Variants in DUT observed in about 807,000 individuals in gnomAD.
DUT encodes the protein deoxyuridine 5'-triphosphate nucleotidohydrolase, mitochondrial.
A neutral mutation model predicts 28.8 loss-of-function variants in DUT; 21 were observed. The observed-to-expected ratio is 0.73, with a 90% CI of 0.52 to 1.05. DUT has a LOEUF of 1.05. Ranked by LOEUF, DUT falls within the 50% of genes least tolerant of loss-of-function variation. The probability of loss-of-function intolerance (pLI) is 0.00; values close to 1 mark genes in which losing one functional copy is unlikely to be tolerated. For synonymous variants in DUT, 147 were observed against 143.7 expected (o/e 1.02, Z -0.17); for missense variants, 344 against 351.8 (o/e 0.98, Z 0.18).
At chr15:48,338,926 C>T (rs2042501974) in intron 4 of DUT, among the ~76,000 whole-genome samples, 1 of 152,100 alleles carries the variant, frequency 6.6e-6, no homozygotes, top group African/African-American at 2.4e-5. Context: ...TGCTTGAGCC[C>T]AGGAGTTTGA....
chr15:48,332,461 C>CA, intron 2 of DUT, 55 bp downstream of exon 2: 1 of 1,389,438 alleles, frequency 7.2e-7, no homozygotes, highest in East Asian at 2.5e-5. Context: ...TCCGCTGCCA[C>CA]AGCTAGAAAC....
In DUT at chr15:48,343,176, A is replaced by C. The variant is rs1454042208; in HGVS notation, c.*1098A>C. 6.6e-6 allele frequency: 1 copy of C among 152,126 alleles called. No homozygotes were observed. The highest frequency in any genetic ancestry group is 2.4e-5 in the African/African-American group (1 of 41,346). 9.4% of individuals were successfully genotyped at this position (152,126 alleles called of 1,614,324 possible). On this transcript the variant is annotated 3_prime_UTR_variant, in exon 7 of 7. Transcript: ENST00000331200. ...ACTTGACCACCCAGTTTGTGGAAGC[A>C]CAGGCAAGAGTGTTCTTTTCTGGTG...
chr15:48,342,337 G>T lies in DUT; in HGVS notation c.*259G>T. ...TGAAGGTTGTATGTAAATCTGCTTT[G>T]TGGTGACCTGATGTAAACAGTGTCT... is the stretch of plus-strand genomic sequence containing the variant. On this transcript the variant is annotated 3_prime_UTR_variant, in exon 7 of 7. Transcript: ENST00000331200. The T allele has an allele frequency of 4.2e-6, 1 of 237,000 alleles. No individual in the cohort carries two copies. Among genetic ancestry groups the T allele is most frequent in the Non-Finnish European group, 7.9e-6 (1 of 125,958 alleles). 14.7% of individuals were successfully genotyped at this position (237,000 alleles called of 1,614,324 possible).
At chr15:48,341,433 G>T in intron 5 of DUT, 70 bp downstream of exon 5, 1 of 1,542,316 alleles carries the variant, frequency 6.5e-7, no homozygotes, top group South Asian at 1.1e-5. Flanking sequence ...AATTAATATT[G>T]ACTCCTTTAA....
At chr15:48,331,160 G>C (rs1023298100), upstream of DUT, 10 of 1,376,796 alleles carry the variant, frequency 7.3e-6, no homozygotes, top group Non-Finnish European at 8.6e-6. Flanking sequence ...CTCAGAGCCC[G>C]GGAGTCATGG....
chr15:48,342,246 T>TA lies in DUT; in HGVS notation c.*177dup, dbSNP rs200974717. Reference sequence around the variant, plus strand: ...TTTTTATGATCAAGGAAAAGATCATTAAAAAAAAACACAAAGAAGTTTTTC... The same window carrying TA: ...TTTTTATGATCAAGGAAAAGATCATTAAAAAAAAAACACAAAGAAGTTTTTC... On this transcript the variant is annotated 3_prime_UTR_variant, in exon 7 of 7. Transcript: ENST00000331200. 0.019 allele frequency: 6,863 copies of TA among 364,480 alleles called. No homozygotes were observed. Among genetic ancestry groups the TA allele is most frequent in the Middle Eastern group, 0.025 (32 of 1,280 alleles). 22.6% of individuals were successfully genotyped at this position (364,480 alleles called of 1,614,324 possible). A position where few individuals can be genotyped will look rare whatever the true frequency, so the allele number is the denominator to read the frequency against.
At chr15:48,332,091 G>A (rs2042420305) in intron 1 of DUT, 177 bp from the exon 2 acceptor site, 17 of 1,322,056 alleles carry the variant, frequency 1.3e-5, no homozygotes, top group Non-Finnish European at 1.6e-5. Context: ...TGTGAATCCC[G>A]CCTCCCCTCT....
chr15:48,332,155 G>C, intron 1 of DUT, 113 bp from the exon 2 acceptor site: 1 of 1,430,624 alleles, frequency 7.0e-7, no homozygotes, highest in Non-Finnish European at 9.1e-7. Flanking sequence ...GGCGGGGCTG[G>C]CGGGAAATTT....
At chr15:48,331,259 CAAG>C (rs1828809107), upstream of DUT, 13 of 1,464,266 alleles carry the variant, frequency 8.9e-6, no homozygotes, top group Middle Eastern at 1.8e-4. Flanking sequence ...CCAGAGCAAA[CAAG>C]AAGAGCGAAA....
chr15:48,340,691 A>G (rs917877583), intron 4 of DUT, among the ~76,000 whole-genome samples: 7 of 152,210 alleles, frequency 4.6e-5, no homozygotes, highest in Non-Finnish European at 1.0e-4. Context: ...TATGTGCTAC[A>G]GTCTTCTGAG....
Position 48,342,094 on chromosome 15 carries a change from C to T in DUT, c.*16C>T, listed in dbSNP as rs764469281. 1.3e-6 allele frequency: 2 copies of T among 1,490,306 alleles called. No individual in the cohort carries two copies. The highest frequency in any genetic ancestry group is 2.5e-5 in the East Asian group (1 of 40,596). The allele number at this position is 1,490,306 out of a possible 1,614,324, so 92.3% of individuals were successfully genotyped here. On this transcript the variant is annotated 3_prime_UTR_variant, in exon 7 of 7. Coordinates refer to ENST00000331200, the MANE Select transcript of DUT (RefSeq NM_001025248.2). ...AAAGAATTAAAATTTATGCCAAGAA[C>T]AGAAAACAAGAAGTCATACCTTTTT...
Position 48,331,753 on chromosome 15 carries a change from G to T in DUT, c.238G>T (p.Gly80Cys). 1.4e-6 allele frequency: 2 copies of T among 1,419,808 alleles called. No individual in the cohort carries two copies. Among genetic ancestry groups the T allele is most frequent in the Non-Finnish European group, 1.8e-6 (2 of 1,090,022 alleles). The allele number at this position is 1,419,808 out of a possible 1,614,324, so 88.0% of individuals were successfully genotyped here. Reference sequence around the variant, plus strand: ...TACAGTCGGGGCCGCTGGCTGGAAGGGCGAGCTTCCTAAGGCGGGGGGAAG... The same window carrying T: ...TACAGTCGGGGCCGCTGGCTGGAAGTGCGAGCTTCCTAAGGCGGGGGGAAG... ...ASTVGAAGWK[G>C]ELPKAGGSPA... The change falls in exon 1 of 7, where the codon GGC (glycine) becomes TGC (cysteine). Residue 80 changes from glycine to cysteine, a missense_variant. Transcript: ENST00000331200.
At chr15:48,339,112 G>A (rs2042504299) in intron 4 of DUT, among the ~76,000 whole-genome samples, 1 of 151,772 alleles carries the variant, frequency 6.6e-6, no homozygotes, top group Admixed American at 6.6e-5. Context: ...GTGAGACCCT[G>A]CCAAAAAAAG....
chr15:48,331,328 G>T, upstream of DUT: 1 of 1,441,456 alleles, frequency 6.9e-7, no homozygotes. Flanking sequence ...CAACGGCGCC[G>T]TCTTCCTGGG....
chr15:48,339,920 G>A (rs757166477), intron 4 of DUT, among the ~76,000 whole-genome samples: 6 of 152,060 alleles, frequency 3.9e-5, no homozygotes, highest in South Asian at 2.1e-4. Flanking sequence ...ATTTTTCCCC[G>A]TGGTGGACCT....
upstream of DUT, chr15:48,331,251 A>C (rs1406728104): frequency 6.8e-7 from 1 of 1,469,354 alleles, no homozygotes. Flanking sequence ...AATGGGGGCC[A>C]GAGCAAACAA....
Position 48,338,399 on chromosome 15 carries a change from A to G in DUT, c.556+2309A>G, listed in dbSNP as rs114462172. 7.4e-3 allele frequency among the ~76,000 whole-genome samples: 1,128 copies of G among 152,324 alleles called. 13 individuals carry two copies. The highest frequency in any genetic ancestry group is 0.026 in the African/African-American group (1,080 of 41,572). On this transcript the variant is annotated intron_variant, in intron 4 of 6. Transcript: ENST00000331200. ...GATACGTTAGCAGAGGCCTTTCAAA[A>G]AGGGAGTGTTTTTGTATGTTAGAAG... is the stretch of plus-strand genomic sequence containing the variant.
chr15:48,341,646 T>C, intron 6 of DUT, 61 bp downstream of exon 6: 1 of 1,354,184 alleles, frequency 7.4e-7, no homozygotes, highest in Non-Finnish European at 1.0e-6. Context: ...AAGAAATATA[T>C]ATAATCTTGA....
upstream of DUT, chr15:48,331,135 T>A: frequency 4.6e-6 from 6 of 1,299,512 alleles, no homozygotes; most frequent in Non-Finnish European, 4.9e-6. Context: ...TTCCGGCGCT[T>A]AGGGCGCCGC....
Sources: allele counts gnomAD v4.1 joint callset (sites outside exome capture counted in the v4.1 genomes callset), GRCh38; gene constraint gnomAD v4.1.1; transcripts MANE v1.5; gene names NCBI Gene and HGNC (gene_info 2026-07-23, HGNC 2026-07-21).